ASTN2: variants seen among roughly 807,000 people sequenced by gnomAD.
ASTN2 encodes astrotactin 2.
In ASTN2, 54 loss-of-function variants were observed where a neutral mutation model predicts 139.8. The observed-to-expected ratio is 0.39, with a 90% CI of 0.31 to 0.48. The LOEUF (loss-of-function observed/expected upper bound fraction) is 0.48. Among genes scored for constraint, ASTN2 ranks in the 20% least tolerant of loss-of-function variants. ASTN2 has a pLI of 0.95. For synonymous variants in ASTN2, 756 were observed against 719.5 expected (o/e 1.05, Z -0.81); for missense variants, 1,565 against 1,725.1 (o/e 0.91, Z 1.64).
intron 3 of ASTN2, among the ~76,000 whole-genome samples, chr9:117,178,579 G>A (rs543492592): frequency 6.6e-6 from 1 of 152,280 alleles, no homozygotes; most frequent in Admixed American, 6.5e-5. Flanking sequence ...GGCAATGAAA[G>A]GACAATGGAT....
intron 19 of ASTN2, among the ~76,000 whole-genome samples, chr9:116,616,449 T>C (rs537733968): frequency 3.2e-4 from 49 of 152,314 alleles, no homozygotes; most frequent in Admixed American, 3.1e-3. Flanking sequence ...CTACATAGTC[T>C]ATAAGAACAA....
chr9:117,375,579 T>C (rs2130919821), intron 1 of ASTN2, among the ~76,000 whole-genome samples: 1 of 152,310 alleles, frequency 6.6e-6, no homozygotes, highest in African/African-American at 2.4e-5. Flanking sequence ...GTATTGCACG[T>C]GAGGAAATGG....
chr9:116,977,392 C>G (rs1236768866), intron 7 of ASTN2, among the ~76,000 whole-genome samples: 1 of 151,774 alleles, frequency 6.6e-6, no homozygotes, highest in Non-Finnish European at 1.5e-5. Context: ...CTCTTTTCTC[C>G]TCTCCCTCTC....
intron 16 of ASTN2, among the ~76,000 whole-genome samples, chr9:116,670,318 T>C (rs1859116642): frequency 6.6e-6 from 1 of 152,162 alleles, no homozygotes; most frequent in Non-Finnish European, 1.5e-5. Context: ...ATGATGATCA[T>C]GATGACAATC....
chr9:116,645,191 G>T (rs551470298), intron 17 of ASTN2, among the ~76,000 whole-genome samples: 2 of 152,076 alleles, frequency 1.3e-5, no homozygotes, highest in Non-Finnish European at 2.9e-5. Context: ...TCCTCCACTT[G>T]GAAGACTCTC....
At chr9:117,266,497 C>T (rs113232093) in intron 2 of ASTN2, among the ~76,000 whole-genome samples, 2 of 152,248 alleles carry the variant, frequency 1.3e-5, no homozygotes, top group Admixed American at 6.5e-5. Flanking sequence ...CATTAGAATG[C>T]GAAGGTTACT....
At chr9:116,449,290 C>T (rs1282871100) in intron 20 of ASTN2, among the ~76,000 whole-genome samples, 2 of 152,054 alleles carry the variant, frequency 1.3e-5, no homozygotes, top group East Asian at 3.9e-4. Flanking sequence ...CTGGTAGTCC[C>T]AGCTACTAGG....
intron 19 of ASTN2, among the ~76,000 whole-genome samples, chr9:116,544,795 C>T (rs966704599): frequency 3.3e-5 from 5 of 152,144 alleles, no homozygotes; most frequent in Non-Finnish European, 5.9e-5. Flanking sequence ...CGGTGGGAAA[C>T]AAGGCAAAGA....
intron 4 of ASTN2, among the ~76,000 whole-genome samples, chr9:117,123,157 T>C (rs1411850903): frequency 6.6e-6 from 1 of 152,050 alleles, no homozygotes; most frequent in Non-Finnish European, 1.5e-5. Flanking sequence ...TGGCAGGGGC[T>C]GAGAATTTAC....
At chr9:116,726,439 T>C (rs1271388853) in intron 15 of ASTN2, among the ~76,000 whole-genome samples, 1 of 152,226 alleles carries the variant, frequency 6.6e-6, no homozygotes, top group Admixed American at 6.5e-5. Flanking sequence ...AGAAAGAAGC[T>C]GGACTCAAAC....
Position 117,106,095 on chromosome 9 carries a change from T to G in ASTN2, c.1169-9944A>C, listed in dbSNP as rs192183486. 4.6e-5 allele frequency among the ~76,000 whole-genome samples: 7 copies of G among 152,340 alleles called. No homozygotes were observed. The East Asian group carries it at 1.4e-3, about 29-fold the overall frequency. On this transcript the variant is annotated intron_variant, in intron 4 of 22. Coordinates refer to ENST00000313400, the MANE Select transcript of ASTN2 (RefSeq NM_001365068.1). ...TATTAAGTTCCGTGAAATTTCCACTTTCTAGATTCCGTCCAGACTTTTGAA... is the reference window on the plus strand; with the variant it reads ...TATTAAGTTCCGTGAAATTTCCACTGTCTAGATTCCGTCCAGACTTTTGAA...
rs1860924939 is a variant in ASTN2, at chr9:116,697,531, G to A, written c.2806+28240C>T. 6 of 616,136 alleles carry A rather than the reference G, an allele frequency of 9.7e-6. No homozygotes were observed. The South Asian group carries it at 1.2e-4, about 12-fold the overall frequency. The allele number at this position is 616,136 out of a possible 1,614,324, so 38.2% of individuals were successfully genotyped here. Reference sequence around the variant, plus strand: ...TGTCACCCTCACGTGACATATAATAGACCTCAATAAAATAGTTGTTAAGTA... The same window carrying A: ...TGTCACCCTCACGTGACATATAATAAACCTCAATAAAATAGTTGTTAAGTA... On this transcript the variant is annotated intron_variant, in intron 16 of 22. Transcript: ENST00000313400.
chr9:117,021,787 T>C (rs2132616436), intron 6 of ASTN2, among the ~76,000 whole-genome samples: 1 of 152,310 alleles, frequency 6.6e-6, no homozygotes, highest in South Asian at 2.1e-4. Flanking sequence ...AAATTTCCCT[T>C]GTTTCAGATT....
At chr9:116,673,142 G>C (rs903417172) in intron 16 of ASTN2, among the ~76,000 whole-genome samples, 5 of 152,176 alleles carry the variant, frequency 3.3e-5, no homozygotes, top group African/African-American at 1.2e-4. Context: ...GAATCATCTA[G>C]AGGGTATTTA....
At chr9:117,306,018 T>C (rs1353426011) in intron 1 of ASTN2, among the ~76,000 whole-genome samples, 2 of 152,208 alleles carry the variant, frequency 1.3e-5, no homozygotes, top group African/African-American at 4.8e-5. Flanking sequence ...GAGCCTGTCT[T>C]TGATTGTAAA....
chr9:116,971,427 C>T (rs1243303564), intron 10 of ASTN2, among the ~76,000 whole-genome samples: 2 of 152,134 alleles, frequency 1.3e-5, no homozygotes, highest in African/African-American at 2.4e-5. Context: ...TGCTTAATTC[C>T]CTCAGTCGGA....
At chr9:117,084,584 G>C (rs1380840707) in intron 5 of ASTN2, among the ~76,000 whole-genome samples, 2 of 152,220 alleles carry the variant, frequency 1.3e-5, no homozygotes, top group Non-Finnish European at 2.9e-5. Flanking sequence ...GACAACAATT[G>C]ATTGCTAGGA....
At chr9:117,400,076 C>T (rs1830781857) in intron 1 of ASTN2, among the ~76,000 whole-genome samples, 1 of 152,216 alleles carries the variant, frequency 6.6e-6, no homozygotes, top group South Asian at 2.1e-4. Flanking sequence ...ATGATTTCTC[C>T]TCTCTCTTGG....
chr9:116,647,835 C>T (rs1429920324), intron 17 of ASTN2, among the ~76,000 whole-genome samples: 1 of 152,098 alleles, frequency 6.6e-6, no homozygotes, highest in Non-Finnish European at 1.5e-5. Flanking sequence ...GTTTTGGAGA[C>T]AGTGTCTCAT....
Sources: allele counts gnomAD v4.1 joint callset (sites outside exome capture counted in the v4.1 genomes callset), GRCh38; gene constraint gnomAD v4.1.1; transcripts MANE v1.5; gene names NCBI Gene and HGNC (gene_info 2026-07-23, HGNC 2026-07-21).